Variants in LAMB2 observed in about 807,000 individuals in gnomAD.
The protein encoded by LAMB2 is laminin subunit beta-2.
A neutral mutation model predicts 202.7 loss-of-function variants in LAMB2; 119 were observed. The observed-to-expected ratio is 0.59, with a 90% CI of 0.51 to 0.68. The LOEUF is 0.68. Among genes scored for constraint, LAMB2 ranks in the 30% least tolerant of loss-of-function variants. LAMB2 has a pLI of 0.00. For synonymous variants in LAMB2, 818 were observed against 902.2 expected, an observed-to-expected ratio of 0.91 and a Z score of 1.67; for missense variants, 2,124 against 2,410.6, an observed-to-expected ratio of 0.88 and a Z score of 2.49.
In LAMB2 at chr3:49,132,371, C is replaced by A; in HGVS notation, c.284G>T (p.Arg95Leu). 1.9e-6 allele frequency: 3 copies of A among 1,614,206 alleles called. No individual in the cohort carries two copies. Among genetic ancestry groups the A allele is most frequent in the Middle Eastern group, 3.3e-4 (2 of 6,062 alleles). The change falls in exon 3 of 32, where the codon CGC (arginine) becomes CTC (leucine). Residue 95 changes from arginine (R) to leucine (L), a missense_variant. Around this residue, in one of 3 missense-constraint regions of LAMB2, gnomAD observed 166 missense variants for 158.2 expected, o/e 1.05. Coordinates refer to ENST00000305544, the MANE Select transcript of LAMB2 (RefSeq NM_002292.4). This position sits in a 1 kb window ranked among gnomAD's most constrained non-coding sequence, Gnocchi z 4.6. ...EKKCFLCDSR[R>L]PFSARDNPHS... ...TGGGTTGTCTCTAGCAGAGAAGGGG[C>A]GCCGGGAGTCACAAAGGAAGCACTT...
Position 49,125,997 on chromosome 3 carries a change from G to A in LAMB2, c.2314C>T (p.Leu772=). 6.2e-7 allele frequency: 1 copy of A among 1,614,200 alleles called. No individual in the cohort carries two copies. Among genetic ancestry groups the A allele is most frequent in the Non-Finnish European group, 8.5e-7 (1 of 1,180,036 alleles). ...GCACCATTGTAGATGAGGGTGGACA[G>A]GCTGATGAGGAGGGGTGCGCAGGCC... The part of the protein sequence containing the change: ...SEACAPLLIS[L]STLIYNGALP... The change falls in exon 17 of 32, where the codon CTG becomes TTG. Residue 772 remains leucine, a synonymous_variant. Transcript: ENST00000305544.
At position 49,130,800 on chromosome 3, in the gene LAMB2, C is replaced by G. The variant is rs1341213735; in HGVS notation, c.976G>C (p.Asp326His). The stretch of plus-strand genomic sequence containing the variant: ...CGCCAGGGCAGGTCACGATAGAAAT[C>G]CTGACACTGCTCGCAGTTGAGGCCA... Reference protein sequence around the residue: ...TRGLNCEQCQDFYRDLPWRPA... With the variant: ...TRGLNCEQCQHFYRDLPWRPA... The change falls in exon 8 of 32, where the codon GAT becomes CAT. Residue 326 changes from aspartate to histidine, a missense_variant. Around this residue, in one of 3 missense-constraint regions of LAMB2, gnomAD observed 256 missense variants for 356.1 expected, o/e 0.72. Coordinates refer to ENST00000305544, the MANE Select transcript of LAMB2 (RefSeq NM_002292.4). The surrounding 1 kb of genome is among the most constrained non-coding windows in gnomAD (Gnocchi z 5.0). 1 of 1,614,074 alleles carries G rather than the reference C, an allele frequency of 6.2e-7. No individual in the cohort carries two copies. Among genetic ancestry groups the G allele is most frequent in the Non-Finnish European group, 8.5e-7 (1 of 1,180,042 alleles).
chr3:49,124,984 A>G, intron 20 of LAMB2, 22 bp downstream of exon 20: 1 of 1,613,834 alleles, frequency 6.2e-7, no homozygotes, highest in Admixed American at 1.7e-5. Context: ...CCCTGATCCC[A>G]CGCCTGCCCC....
chr3:49,130,841 C>A lies in LAMB2; in HGVS notation c.935G>T (p.Cys312Phe). The change falls in exon 8 of 32, where the codon TGC becomes TTC. Residue 312 changes from cysteine to phenylalanine, a missense_variant. This residue lies in a region of LAMB2 where 256 missense variants were observed against 356.1 expected (regional missense o/e 0.72). Coordinates refer to ENST00000305544, the MANE Select transcript of LAMB2 (RefSeq NM_002292.4). This position sits in a 1 kb window ranked among gnomAD's most constrained non-coding sequence, Gnocchi z 5.0. ...GTTGAGGCCACGTGTGTTGTGTTTG[C>A]AGATGCAAGCTCCGTGCACCTATAG... is the stretch of plus-strand genomic sequence containing the variant. ...AEGMVHGACI[C>F]KHNTRGLNCE... The A allele has an allele frequency of 6.2e-7, 1 of 1,614,190 alleles. No individual in the cohort carries two copies. Among genetic ancestry groups the A allele is most frequent in the Non-Finnish European group, 8.5e-7 (1 of 1,180,036 alleles).
In LAMB2 at chr3:49,121,236, G is replaced by A; in HGVS notation, c.5387C>T (p.Thr1796Ile). Reference sequence around the variant, plus strand: ...GGCCTTGGGCAGGGGTCACTGGCAGGTGTTGTAGATCTGCACCTGCAAGTT... The same window carrying A: ...GGCCTTGGGCAGGGGTCACTGGCAGATGTTGTAGATCTGCACCTGCAAGTT... Reference protein sequence around the residue: ...AINLQVQIYNTCQ With the variant: ...AINLQVQIYNICQ The change falls in exon 32 of 32, where the codon ACC becomes ATC. Residue 1796 changes from threonine (T) to isoleucine (I), a missense_variant. By Grantham distance (89) the Thr-to-Ile change is moderately conservative (BLOSUM62 -1). Around this residue, in one of 3 missense-constraint regions of LAMB2, gnomAD observed 1,702 missense variants for 1,896.3 expected, o/e 0.90. Coordinates refer to ENST00000305544, the MANE Select transcript of LAMB2 (RefSeq NM_002292.4). 9 of 1,612,260 alleles carry A rather than the reference G, an allele frequency of 5.6e-6. No individual in the cohort carries two copies. Among genetic ancestry groups the A allele is most frequent in the Non-Finnish European group, 7.6e-6 (9 of 1,180,038 alleles).
chr3:49,131,666 G>T lies in LAMB2; in HGVS notation c.517C>A (p.His173Asn). The part of the protein sequence containing the change: ...ERSADFGRTW[H>N]VYRYFSYDCG... ...TCATAGGAGAAATATCGGTACACAT[G>T]CCAGGTGCGGCCAAAGTCTGCTGAG... Residue 173 changes from histidine (H) to asparagine (N), a missense_variant, in exon 5 of 32, where the codon CAT becomes AAT. By Grantham distance (68) the His-to-Asn change is moderately conservative. Transcript: ENST00000305544. This position sits in a 1 kb window ranked among gnomAD's most constrained non-coding sequence, Gnocchi z 5.0. The T allele has an allele frequency of 6.2e-7, 1 of 1,613,630 alleles. No individual in the cohort carries two copies. The highest frequency in any genetic ancestry group is 8.5e-7 in the Non-Finnish European group (1 of 1,180,030).
At position 49,121,213 on chromosome 3, in the gene LAMB2, C is replaced by A. The variant is rs994249188; in HGVS notation, c.*13G>T. ...GGGCAGTGCTAGGAACTGGGGTAGG[C>A]CTTGGGCAGGGGTCACTGGCAGGTG... On this transcript the variant is annotated 3_prime_UTR_variant, in exon 32 of 32. Transcript: ENST00000305544. The A allele has an allele frequency of 5.0e-6, 8 of 1,611,962 alleles. No homozygotes were observed. The highest frequency in any genetic ancestry group is 5.9e-6 in the Non-Finnish European group (7 of 1,180,002).
chr3:49,129,068 C>G lies in LAMB2; in HGVS notation c.1683G>C (p.Arg561=), dbSNP rs760427008. The change falls in exon 13 of 32, where the codon CGG becomes CGC. Residue 561 remains arginine, a synonymous_variant. Coordinates refer to ENST00000305544, the MANE Select transcript of LAMB2 (RefSeq NM_002292.4). The surrounding 1 kb of genome is among the most constrained non-coding windows in gnomAD (Gnocchi z 6.1). ...CCCAAATTAGGTGGTCCAGGAAGGGCCGGAAGTAGCCAGGTTGCACCTGCT... is the reference window on the plus strand; with the variant it reads ...CCCAAATTAGGTGGTCCAGGAAGGGGCGGAAGTAGCCAGGTTGCACCTGCT... ...RCEQVQPGYF[R]PFLDHLIWEA... 4 of 1,613,416 alleles carry G rather than the reference C, an allele frequency of 2.5e-6. No homozygotes were observed. Among genetic ancestry groups the G allele is most frequent in the Non-Finnish European group, 3.4e-6 (4 of 1,180,030 alleles).
Position 49,130,405 on chromosome 3 carries a change from C to A in LAMB2, c.1051G>T (p.Gly351Trp). 6.2e-7 allele frequency: 1 copy of A among 1,614,030 alleles called. No individual in the cohort carries two copies. ...SHACRKCECH[G>W]HTHSCHFDMA... Reference sequence around the variant, plus strand: ...TCGAAGTGGCAGCTGTGGGTGTGCCCATGGCACTCACACTCTGGCAGGGGA... The same window carrying A: ...TCGAAGTGGCAGCTGTGGGTGTGCCAATGGCACTCACACTCTGGCAGGGGA... Residue 351 changes from glycine (G) to tryptophan (W), a missense_variant, in exon 9 of 32, where the codon GGG (glycine) becomes TGG (tryptophan). Physicochemically the swap from Gly to Trp is radical, Grantham distance 184 (BLOSUM62 -2). Around this residue, in one of 3 missense-constraint regions of LAMB2, gnomAD observed 256 missense variants for 356.1 expected, o/e 0.72. Transcript: ENST00000305544. This position sits in a 1 kb window ranked among gnomAD's most constrained non-coding sequence, Gnocchi z 5.0.
chr3:49,127,633 T>C (rs1326059070), intron 15 of LAMB2, among the ~76,000 whole-genome samples: 1 of 151,722 alleles, frequency 6.6e-6, no homozygotes, highest in Non-Finnish European at 1.5e-5. Flanking sequence ...AGGTGGAGCT[T>C]GCAGTGAGCC....
rs1560072539 is a variant in LAMB2 at position 49,124,407 on chromosome 3, G to A, written c.3315C>T (p.Pro1105=). Residue 1105 remains proline, a synonymous_variant, in exon 22 of 32, where the codon CCC becomes CCT. Coordinates refer to ENST00000305544, the MANE Select transcript of LAMB2 (RefSeq NM_002292.4). ...GAGGGTCCCATACCTCGTTGCAGGTGGGGCCTCTGGCCCGGCTTGGGTGGC... is the reference window on the plus strand; with the variant it reads ...GAGGGTCCCATACCTCGTTGCAGGTAGGGCCTCTGGCCCGGCTTGGGTGGC... ...CACHPSRARG[P]TCNEFTGQCH... is the part of the protein sequence containing the mutation. 1 of 1,613,554 alleles carries A rather than the reference G, an allele frequency of 6.2e-7. No individual in the cohort carries two copies. The highest frequency in any genetic ancestry group is 1.1e-5 in the South Asian group (1 of 91,086).
rs529422500 is a variant in LAMB2 at position 49,129,239 on chromosome 3, A to T, written c.1598+6T>A. On this transcript the variant is annotated splice_donor_region_variant and intron_variant, in intron 12 of 31. Coordinates refer to ENST00000305544, the MANE Select transcript of LAMB2 (RefSeq NM_002292.4). The surrounding 1 kb of genome is among the most constrained non-coding windows in gnomAD (Gnocchi z 6.1). ...TCCCTTCCCAGGCCCCCTTTACAAC[A>T]CTTACTGGGGATCCAAAGCACCACC... is the stretch of plus-strand genomic sequence containing the variant. 6.2e-7 allele frequency: 1 copy of T among 1,613,780 alleles called. No homozygotes were observed. Among genetic ancestry groups the T allele is most frequent in the East Asian group, 2.2e-5 (1 of 44,870 alleles).
Position 49,132,960 on chromosome 3 carries a change from G to T in LAMB2, c.-93C>A. On this transcript the variant is annotated 5_prime_UTR_variant, in exon 1 of 32. Transcript: ENST00000305544. This position sits in a 1 kb window ranked among gnomAD's most constrained non-coding sequence, Gnocchi z 4.6. ...GGGTTCCGTGTCAACTCTGCCTGTG[G>T]GTCTTTGGCCTGTTTCCCTCCAGGC... 8.6e-7 allele frequency: 1 copy of T among 1,159,238 alleles called. No homozygotes were observed. Among genetic ancestry groups the T allele is most frequent in the Non-Finnish European group, 1.3e-6 (1 of 774,864 alleles). The allele number at this position is 1,159,238 out of a possible 1,614,324, so 71.8% of individuals were successfully genotyped here.
Position 49,125,503 on chromosome 3 carries a change from T to A in LAMB2, c.2489-19A>T. 6.4e-7 allele frequency: 1 copy of A among 1,558,846 alleles called. No homozygotes were observed. Among genetic ancestry groups the A allele is most frequent in the Non-Finnish European group, 8.7e-7 (1 of 1,150,172 alleles). On this transcript the variant is annotated intron_variant, in intron 18 of 31. Transcript: ENST00000305544. ...TGGCAGGCTAGGAGCAAGGCAGAGC[T>A]GAGCCAGAGCCAGGGGAGGGGGTCT...
In LAMB2 at chr3:49,132,265, C is replaced by T. The variant is rs540191089; in HGVS notation, c.385+5G>A. Reference sequence around the variant, plus strand: ...TGCTCACTTTTGCCCCACCCATGGCCTCACCATTCTCTGACTGCCACCAGG... The same window carrying T: ...TGCTCACTTTTGCCCCACCCATGGCTTCACCATTCTCTGACTGCCACCAGG... On this transcript the variant is annotated splice_donor_5th_base_variant and intron_variant, in intron 3 of 31. Coordinates refer to ENST00000305544, the MANE Select transcript of LAMB2 (RefSeq NM_002292.4). The surrounding 1 kb of genome is among the most constrained non-coding windows in gnomAD (Gnocchi z 4.6). The T allele has an allele frequency of 1.8e-5, 29 of 1,614,240 alleles. No homozygotes were observed. The South Asian group carries it at 2.9e-4, about 16-fold the overall frequency.
In LAMB2 at chr3:49,130,508, G is replaced by T; in HGVS notation, c.1037-89C>A. On this transcript the variant is annotated intron_variant, in intron 8 of 31. Transcript: ENST00000305544. This position sits in a 1 kb window ranked among gnomAD's most constrained non-coding sequence, Gnocchi z 5.0. ...AGGCCACCTTAGATCCCTATCACAGGCCAGAATTTGTGGGTAGGGGCTCAG... is the reference window on the plus strand; with the variant it reads ...AGGCCACCTTAGATCCCTATCACAGTCCAGAATTTGTGGGTAGGGGCTCAG... The T allele has an allele frequency of 6.6e-7, 1 of 1,514,228 alleles. No homozygotes were observed. Among genetic ancestry groups the T allele is most frequent in the Non-Finnish European group, 9.1e-7 (1 of 1,093,206 alleles). 93.8% of individuals were successfully genotyped at this position (1,514,228 alleles called of 1,614,324 possible). A position where few individuals can be genotyped will look rare whatever the true frequency, so the allele number is the denominator to read the frequency against.
rs767682731 is a variant in LAMB2 at position 49,123,792 on chromosome 3, C to A, written c.3733G>T (p.Val1245Leu). 2 of 1,613,338 alleles carry A rather than the reference C, an allele frequency of 1.2e-6. No homozygotes were observed. The highest frequency in any genetic ancestry group is 1.3e-5 in the African/African-American group (1 of 75,064). Residue 1245 changes from valine to leucine, a missense_variant, in exon 24 of 32, where the codon GTA (valine) becomes TTA (leucine). Transcript: ENST00000305544. ...QEKLGIVQGI[V>L]GARNTSAAST... is the part of the protein sequence containing the mutation. ...GCGGCTGAGGTGTTGCGGGCACCTA[C>A]GATGCCCTGCACAATGCCCAGCTTC...
At chr3:49,126,265 CA>C (rs1265931557) in intron 16 of LAMB2, 99 bp downstream of exon 16, 5 of 1,603,302 alleles carry the variant, frequency 3.1e-6, no homozygotes, top group Non-Finnish European at 3.4e-6. Flanking sequence ...CTGGCACCAC[CA>C]TGGGCCTGCC....
In LAMB2 at chr3:49,132,586, C is replaced by A; in HGVS notation, c.154G>T (p.Gly52Cys). The A allele has an allele frequency of 6.2e-7, 1 of 1,613,848 alleles. No homozygotes were observed. The highest frequency in any genetic ancestry group is 8.5e-7 in the Non-Finnish European group (1 of 1,180,034). Residue 52 changes from glycine to cysteine, a missense_variant, in exon 2 of 32, where the codon GGC becomes TGC. Around this residue, in one of 3 missense-constraint regions of LAMB2, gnomAD observed 166 missense variants for 158.2 expected, o/e 1.05. Coordinates refer to ENST00000305544, the MANE Select transcript of LAMB2 (RefSeq NM_002292.4). The surrounding 1 kb of genome is among the most constrained non-coding windows in gnomAD (Gnocchi z 4.6). ...CSRGSCYPAT[G>C]DLLVGRADRL... ...TCAGCTCGGCCCACCAGCAGGTCGC[C>A]CGTGGCGGGGTAGCAGCTTCCCCTG...
Sources: gnomAD v4.1 joint callset for allele counts (sites outside exome capture counted in the v4.1 genomes callset) on GRCh38, gnomAD v4.1.1 for gene constraint, gnomAD v4.1.1 regional missense constraint, Gnocchi (gnomAD v3.1) non-coding constraint, MANE v1.5 for transcripts, NCBI Gene and HGNC (gene_info 2026-07-23, HGNC 2026-07-21) for gene names.